UBE3D: variants seen among roughly 807,000 people sequenced by gnomAD.
The protein encoded by UBE3D is E3 ubiquitin-protein ligase E3D.
Under a neutral mutation model 49.6 loss-of-function variants are expected in UBE3D, and 48 were observed. The ratio of observed to expected loss-of-function variants is 0.97; its 90% CI spans 0.77 to 1.23. The LOEUF (loss-of-function observed/expected upper bound fraction) is 1.23. UBE3D is among the 50% of genes most tolerant of loss of function. The pLI, the probability that UBE3D is intolerant of heterozygous loss-of-function variation, is 0.00. For synonymous variants in UBE3D, 189 were observed against 174.2 expected, an observed-to-expected ratio of 1.08 and a Z score of -0.67; for missense variants, 452 against 468.4, an observed-to-expected ratio of 0.96 and a Z score of 0.32.
intron 4 of UBE3D, among the ~76,000 whole-genome samples, chr6:83,040,069 G>C (rs1442624799): frequency 6.6e-6 from 1 of 152,222 alleles, no homozygotes; most frequent in South Asian, 2.1e-4. Flanking sequence ...GTGTATGTGT[G>C]TTATCAGATC....
chr6:82,968,312 A>C (rs575618966), intron 8 of UBE3D, among the ~76,000 whole-genome samples: 1 of 149,016 alleles, frequency 6.7e-6, no homozygotes, highest in African/African-American at 2.5e-5. Flanking sequence ...ACCTCTCCCT[A>C]TTTCCCCTGC....
chr6:82,883,849 CAA>C, the UBE3D span, among the ~76,000 whole-genome samples: 2 of 151,450 alleles, frequency 1.3e-5, no homozygotes, highest in Non-Finnish European at 2.9e-5. Flanking sequence ...GTAGAATAGG[CAA>C]AAAAAAGTAA....
At chr6:83,057,628 A>G (rs1783894345) in intron 2 of UBE3D, among the ~76,000 whole-genome samples, 198 bp downstream of exon 2, 1 of 152,168 alleles carries the variant, frequency 6.6e-6, no homozygotes, top group Non-Finnish European at 1.5e-5. Flanking sequence ...AGAAAGAAGG[A>G]AGGGAGGGAG....
chr6:83,043,162 G>C (rs1284875149), intron 4 of UBE3D, among the ~76,000 whole-genome samples: 1 of 152,184 alleles, frequency 6.6e-6, no homozygotes, highest in Middle Eastern at 3.2e-3. Context: ...ATGTAAATGT[G>C]ATGAATATAT....
intron 8 of UBE3D, among the ~76,000 whole-genome samples, chr6:82,958,369 A>ATGTATATAATATTTATATTGG (rs535984776): frequency 1.9e-3 from 282 of 152,222 alleles, no homozygotes; most frequent in African/African-American, 6.6e-3. Context: ...TTAAAGATAT[A>ATGTATATAATATTTATATTGG]TGTATATAAT....
At chr6:83,007,743 G>A (rs1390731618) in intron 8 of UBE3D, among the ~76,000 whole-genome samples, 3 of 152,216 alleles carry the variant, frequency 2.0e-5, no homozygotes, top group African/African-American at 4.8e-5. Context: ...CCAGCAGTTC[G>A]AGATAAGTCT....
At chr6:82,929,745 G>GT (rs552561026) in intron 9 of UBE3D, among the ~76,000 whole-genome samples, 10 of 151,850 alleles carry the variant, frequency 6.6e-5, no homozygotes, top group Admixed American at 2.0e-4. Context: ...GAAATAGACT[G>GT]TTTTTTTAAA....
intron 9 of UBE3D, chr6:82,924,831 C>T (rs981693348): frequency 2.0e-5 from 3 of 152,170 alleles, no homozygotes; most frequent in South Asian, 2.1e-4. Context: ...CTTCCTTTGA[C>T]TGAACCTAAC....
chr6:83,057,626 G>A (rs1783893907), intron 2 of UBE3D, among the ~76,000 whole-genome samples, 200 bp downstream of exon 2: 1 of 152,108 alleles, frequency 6.6e-6, no homozygotes, highest in Non-Finnish European at 1.5e-5. Context: ...AAAGAAAGAA[G>A]GAAGGGAGGG....
chr6:83,062,138 A>G (rs561777469), intron 1 of UBE3D, among the ~76,000 whole-genome samples: 2 of 152,244 alleles, frequency 1.3e-5, no homozygotes, highest in East Asian at 1.9e-4. Flanking sequence ...CCTATGCTCA[A>G]CAAAGGCAGG....
At chr6:82,909,463 A>G (rs948703037) in intron 9 of UBE3D, among the ~76,000 whole-genome samples, 10 of 152,228 alleles carry the variant, frequency 6.6e-5, no homozygotes, top group Non-Finnish European at 1.3e-4. Context: ...AAGCCATTCA[A>G]GAGATATTAT....
Position 82,892,602 on chromosome 6 carries a change from T to G in UBE3D, c.*420A>C, listed in dbSNP as rs1771018431. 5.8e-6 allele frequency: 1 copy of G among 172,336 alleles called. No individual in the cohort carries two copies. Among genetic ancestry groups the G allele is most frequent in the Non-Finnish European group, 1.3e-5 (1 of 79,160 alleles). 10.7% of individuals were successfully genotyped at this position (172,336 alleles called of 1,614,324 possible). ...TTTGTTTTAAATCATCCTGAGAAAC[T>G]CTTTAAAAGTTTATTTCCTAGGATT... On this transcript the variant is annotated 3_prime_UTR_variant, in exon 10 of 10. Transcript: ENST00000369747.
intron 8 of UBE3D, among the ~76,000 whole-genome samples, chr6:82,994,163 G>T (rs1293462037): frequency 6.6e-6 from 1 of 152,044 alleles, no homozygotes; most frequent in Non-Finnish European, 1.5e-5. Context: ...ATTAGCCATG[G>T]ACAACAGAAG....
intron 8 of UBE3D, among the ~76,000 whole-genome samples, chr6:82,974,359 C>T (rs192282086): frequency 1.4e-4 from 22 of 152,134 alleles, no homozygotes; most frequent in Admixed American, 1.4e-3. Context: ...TTCCAGGACC[C>T]CCCACAACAA....
chr6:83,042,803 T>G (rs982374062), intron 4 of UBE3D, among the ~76,000 whole-genome samples: 1 of 152,238 alleles, frequency 6.6e-6, no homozygotes, highest in African/African-American at 2.4e-5. Flanking sequence ...GCTAGATGGC[T>G]AGACTGGGTG....
At chr6:83,046,669 T>TGGTGGGGGGGGG (rs1554211608) in intron 3 of UBE3D, among the ~76,000 whole-genome samples, 1 of 9,376 alleles carries the variant, frequency 1.1e-4, no homozygotes, top group African/African-American at 2.2e-4. Context: ...TTCTTGCAGT[T>TGGTGGGGGGGGG]GGCGGGGGGG....
rs1443151592 is a variant in UBE3D at position 83,014,982 on chromosome 6, G to A, written c.1010+3991C>T. On this transcript the variant is annotated intron_variant, in intron 8 of 9. Transcript: ENST00000369747. ...ATTAGCTAATGCCAGAGCTGGACAC[G>A]AGTCAGATTATTCTGATTGCTGCTT... Among the ~76,000 whole-genome samples the A allele has an allele frequency of 2.0e-5, 3 of 152,192 alleles. 1 individual carries two copies. The highest frequency in any genetic ancestry group is 4.1e-4 in the South Asian group (2 of 4,824).
chr6:82,965,184 A>G (rs1776823454), intron 8 of UBE3D, among the ~76,000 whole-genome samples: 1 of 152,214 alleles, frequency 6.6e-6, no homozygotes, highest in Non-Finnish European at 1.5e-5. Context: ...CAGTCTCAAA[A>G]TTAAATGTAT....
At chr6:82,997,068 T>C (rs1779294562) in intron 8 of UBE3D, among the ~76,000 whole-genome samples, 1 of 152,178 alleles carries the variant, frequency 6.6e-6, no homozygotes, top group South Asian at 2.1e-4. Context: ...CTGTACTAAC[T>C]TTGCAACTCT....
Sources: allele counts gnomAD v4.1 joint callset (sites outside exome capture counted in the v4.1 genomes callset), GRCh38; gene constraint gnomAD v4.1.1; transcripts MANE v1.5; gene names NCBI Gene and HGNC (gene_info 2026-07-23, HGNC 2026-07-21).